The following PRDM16 variants were observed in gnomAD, a reference collection of about 807,000 sequenced individuals.
The protein encoded by PRDM16 is PR/SET domain 16.
In PRDM16, 23 loss-of-function variants were observed where a neutral mutation model predicts 110.6. That is an observed-to-expected ratio of 0.21 (90% CI 0.15 to 0.29). The LOEUF is 0.29. Ranked by LOEUF, PRDM16 falls within the 10% of genes least tolerant of loss-of-function variation. The probability of loss-of-function intolerance (pLI) is 1.00; values close to 1 mark genes in which losing one functional copy is unlikely to be tolerated. For synonymous variants in PRDM16, 799 were observed against 781.8 expected (o/e 1.02, Z -0.37); for missense variants, 1,615 against 1,794.3 (o/e 0.90, Z 1.81).
rs561011770 is a variant in PRDM16, at chr1:3,080,754, G to A, written c.37+11458G>A. On this transcript the variant is annotated intron_variant, in intron 1 of 16. Coordinates refer to ENST00000270722, the MANE Select transcript of PRDM16 (RefSeq NM_022114.4). The surrounding 1 kb of genome is among the most constrained non-coding windows in gnomAD (Gnocchi z 5.2). ...GGATTTCTGTTCCGAGGAACATGTTGGGCGGTTTCTTCCGGGCCGGGGAAA... is the reference window on the plus strand; with the variant it reads ...GGATTTCTGTTCCGAGGAACATGTTAGGCGGTTTCTTCCGGGCCGGGGAAA... Among the ~76,000 whole-genome samples the A allele has an allele frequency of 3.3e-4, 51 of 152,282 alleles. No individual in the cohort carries two copies. Among genetic ancestry groups the A allele is most frequent in the Admixed American group, 9.1e-4 (14 of 15,304 alleles).
chr1:3,096,041 ACCTGC>A (rs1056901498), intron 1 of PRDM16, among the ~76,000 whole-genome samples: 1 of 151,866 alleles, frequency 6.6e-6, no homozygotes, highest in African/African-American at 2.4e-5. Flanking sequence ...AGCCCTCGGG[ACCTGC>A]CCCCTAACAG....
At chr1:3,399,431 G>T (rs1643432935) in intron 5 of PRDM16, among the ~76,000 whole-genome samples, 2 of 152,146 alleles carry the variant, frequency 1.3e-5, no homozygotes, top group Non-Finnish European at 2.9e-5. Flanking sequence ...TGAGCCCCAG[G>T]GGTGTATTCA....
At chr1:3,176,394 G>C (rs181722183) in intron 1 of PRDM16, among the ~76,000 whole-genome samples, 1 of 150,582 alleles carries the variant, frequency 6.6e-6, no homozygotes, top group South Asian at 2.1e-4. Context: ...CTTTGGGGAA[G>C]AGCTGCCTCA....
intron 3 of PRDM16, chr1:3,306,745 C>T (rs1480408839): frequency 6.6e-6 from 1 of 152,230 alleles, no homozygotes; most frequent in African/African-American, 2.4e-5. Context: ...CAGCCACAGA[C>T]TTGTGCAACC....
intron 1 of PRDM16, among the ~76,000 whole-genome samples, chr1:3,123,655 A>G (rs1188533814): frequency 1.3e-5 from 2 of 152,166 alleles, no homozygotes; most frequent in Non-Finnish European, 2.9e-5. Flanking sequence ...TTGGCATCCA[A>G]AGGCCAAGCT....
chr1:3,161,825 G>A (rs898627766), intron 1 of PRDM16, among the ~76,000 whole-genome samples: 2 of 152,236 alleles, frequency 1.3e-5, no homozygotes, highest in South Asian at 2.1e-4. Flanking sequence ...GATCTGGTGC[G>A]CCTGTCTCCA....
rs565063547 is a variant in PRDM16, at chr1:3,081,429, T to C, written c.37+12133T>C. Among the ~76,000 whole-genome samples, 1 of 152,252 alleles carries C rather than the reference T, an allele frequency of 6.6e-6. No individual in the cohort carries two copies. The highest frequency in any genetic ancestry group is 2.4e-5 in the African/African-American group (1 of 41,562). ...CCTGCAGCCTGGCCCGGCCGGCCCC[T>C]GGAGAGCCCCCTCCTTGTCCCACCA... is the stretch of plus-strand genomic sequence containing the variant. On this transcript the variant is annotated intron_variant, in intron 1 of 16. Transcript: ENST00000270722. The surrounding 1 kb of genome is among the most constrained non-coding windows in gnomAD (Gnocchi z 4.6).
At chr1:3,304,971 T>A (rs1288559431) in intron 3 of PRDM16, among the ~76,000 whole-genome samples, 2 of 152,148 alleles carry the variant, frequency 1.3e-5, no homozygotes, top group Non-Finnish European at 2.9e-5. Context: ...TGTCCCCAGC[T>A]GAAGCTGGAC....
intron 1 of PRDM16, among the ~76,000 whole-genome samples, chr1:3,123,668 C>T (rs1163128519): frequency 1.3e-5 from 2 of 152,218 alleles, no homozygotes; most frequent in African/African-American, 2.4e-5. Flanking sequence ...GCCAAGCTGG[C>T]GTGAAGCTGG....
At chr1:3,136,771 T>C (rs1643447625) in intron 1 of PRDM16, among the ~76,000 whole-genome samples, 1 of 152,144 alleles carries the variant, frequency 6.6e-6, no homozygotes, top group Admixed American at 6.5e-5. Context: ...CCCCACTCCA[T>C]ACAAACCCTT....
At chr1:3,221,325 G>T (rs975903071) in intron 2 of PRDM16, among the ~76,000 whole-genome samples, 1 of 152,210 alleles carries the variant, frequency 6.6e-6, no homozygotes, top group Non-Finnish European at 1.5e-5. Context: ...AAAGTCATGA[G>T]CCTCTCTGAG....
intron 9 of PRDM16, 63 bp downstream of exon 9, chr1:3,412,863 CT>C (rs1466603071): frequency 7.6e-7 from 1 of 1,315,832 alleles, no homozygotes; most frequent in East Asian, 2.7e-5. Context: ...GCTGGGCGGG[CT>C]CAGTGCATGG....
chr1:3,183,993 TA>T (rs997405606), intron 1 of PRDM16, among the ~76,000 whole-genome samples: 4 of 151,004 alleles, frequency 2.6e-5, no homozygotes, highest in Non-Finnish European at 5.9e-5. Context: ...CCATGTTAAT[TA>T]CCACCCCCCC....
chr1:3,375,595 G>A (rs1196335182), intron 3 of PRDM16, among the ~76,000 whole-genome samples: 4 of 152,200 alleles, frequency 2.6e-5, no homozygotes, highest in Admixed American at 2.6e-4. Context: ...CCAGGAGCAC[G>A]CCATGTGCAG....
chr1:3,253,481 A>G (rs1346490415), intron 3 of PRDM16, among the ~76,000 whole-genome samples: 1 of 151,288 alleles, frequency 6.6e-6, no homozygotes, highest in East Asian at 2.0e-4. Context: ...TCCTTGCGAT[A>G]GTTTATTGAG....
At chr1:3,147,174 G>A (rs963233904) in intron 1 of PRDM16, among the ~76,000 whole-genome samples, 3 of 150,458 alleles carry the variant, frequency 2.0e-5, no homozygotes, top group African/African-American at 7.4e-5. Flanking sequence ...GCACGCACGT[G>A]TGTGCTCGGT....
At chr1:3,279,505 G>A (rs1569983170) in intron 3 of PRDM16, among the ~76,000 whole-genome samples, 1 of 152,374 alleles carries the variant, frequency 6.6e-6, no homozygotes, top group Non-Finnish European at 1.5e-5. Context: ...CCTGCCACCA[G>A]GCTGGCTTCC....
intron 5 of PRDM16, among the ~76,000 whole-genome samples, chr1:3,397,426 A>G (rs917841433): frequency 9.2e-5 from 14 of 152,242 alleles, no homozygotes; most frequent in African/African-American, 2.9e-4. Context: ...AGCTCTTCCC[A>G]GATACAGGCT....
intron 2 of PRDM16, among the ~76,000 whole-genome samples, chr1:3,210,245 T>C (rs936467703): frequency 6.6e-6 from 1 of 152,206 alleles, no homozygotes; most frequent in African/African-American, 2.4e-5. Flanking sequence ...TCCTGAAGCT[T>C]TGCAGGATCC....
Sources: gnomAD v4.1 joint callset for allele counts (sites outside exome capture counted in the v4.1 genomes callset) on GRCh38, gnomAD v4.1.1 for gene constraint, Gnocchi (gnomAD v3.1) non-coding constraint, MANE v1.5 for transcripts, NCBI Gene and HGNC (gene_info 2026-07-23, HGNC 2026-07-21) for gene names.